SHE: variants seen among roughly 807,000 people sequenced by gnomAD.
SHE encodes the protein SH2 domain-containing adapter protein E.
SHE carries 11 observed loss-of-function variants against 49.8 expected under a neutral mutation model. The ratio of observed to expected loss-of-function variants is 0.22; its 90% CI spans 0.14 to 0.37. SHE has a LOEUF of 0.37. SHE is among the 10% of genes least tolerant of loss of function. SHE has a pLI of 1.00. For missense variants in SHE, 624 were observed against 655.5 expected (o/e 0.95, Z 0.52); for synonymous variants, 310 against 278.1 (o/e 1.11, Z -1.14).
Position 154,483,129 on chromosome 1 carries a change from T to C in SHE, c.*1020A>G, listed in dbSNP as rs144964831. 665 of 984,794 alleles carry C rather than the reference T, an allele frequency of 6.8e-4. 3 individuals are homozygous for C. In the African/African-American group the frequency reaches 0.011, roughly 16 times the overall value. 61.0% of individuals were successfully genotyped at this position (984,794 alleles called of 1,614,324 possible). ...ATTCTATAATTCAGAATTCTAATAATGATGCCAATGCCTAATGATATTGGT... is the reference window on the plus strand; with the variant it reads ...ATTCTATAATTCAGAATTCTAATAACGATGCCAATGCCTAATGATATTGGT... On this transcript the variant is annotated 3_prime_UTR_variant, in exon 6 of 6. Coordinates refer to ENST00000304760, the MANE Select transcript of SHE (RefSeq NM_001010846.3).
chr1:154,477,902 A>AG (rs1292483300), downstream of SHE, among the ~76,000 whole-genome samples: 4 of 151,410 alleles, frequency 2.6e-5, no homozygotes, highest in Non-Finnish European at 4.4e-5. Flanking sequence ...AAAAAAAAAA[A>AG]AAAAAAAGAA....
intron 2 of SHE, among the ~76,000 whole-genome samples, chr1:154,493,959 G>A (rs969479355): frequency 6.6e-6 from 1 of 152,192 alleles, no homozygotes; most frequent in African/African-American, 2.4e-5. Context: ...GTTATGGTGA[G>A]GCCAATTATT....
rs769627373 is a variant in SHE, at chr1:154,489,249, T to G, written c.826A>C (p.Arg276=). The G allele has an allele frequency of 1.2e-6, 2 of 1,614,236 alleles. No homozygotes were observed. The highest frequency in any genetic ancestry group is 1.7e-6 in the Non-Finnish European group (2 of 1,180,036). ...CCCAGGAGGTCCTTGGAACTCCGTC[T>G]TTTGGCCAAGGTCTCTGATTTCAGG... is the stretch of plus-strand genomic sequence containing the variant. The part of the protein sequence containing the change: ...GGLKSETLAK[R]RSSKDLLGKP... The change falls in exon 3 of 6, where the codon AGA becomes CGA. Residue 276 remains arginine, a synonymous_variant. Transcript: ENST00000304760.
chr1:154,476,143 C>T (rs981045124), downstream of SHE, among the ~76,000 whole-genome samples: 4 of 152,078 alleles, frequency 2.6e-5, no homozygotes, highest in South Asian at 2.1e-4. Context: ...CCCAGGAGTT[C>T]GAGATCAGCC....
chr1:154,486,806 CTATAA>C, intron 3 of SHE, 123 bp from the exon 4 acceptor site: 1 of 1,044,102 alleles, frequency 9.6e-7, no homozygotes, highest in Non-Finnish European at 1.4e-6. Flanking sequence ...TTAACATTAA[CTATAA>C]TATACTGCAA....
At position 154,486,603 on chromosome 1, in the gene SHE, T is replaced by C; in HGVS notation, c.1105A>G (p.Lys369Glu). 1.2e-6 allele frequency: 2 copies of C among 1,614,164 alleles called. No individual in the cohort carries two copies. Among genetic ancestry groups the C allele is most frequent in the Non-Finnish European group, 1.7e-6 (2 of 1,180,024 alleles). ...QHHRQKSWTQ[K>E]ILKPALSDHS... ...TCCGAGAGGGCTGGCTTCAGGATCT[T>C]CTGGGTCCAGCTCTTCTGCCGGTGG... Residue 369 changes from lysine (K) to glutamate (E), a missense_variant, in exon 4 of 6, where the codon AAG becomes GAG. Coordinates refer to ENST00000304760, the MANE Select transcript of SHE (RefSeq NM_001010846.3).
At chr1:154,486,243 A>C (rs1356583798) in intron 4 of SHE, among the ~76,000 whole-genome samples, 181 bp from the exon 5 acceptor site, 1 of 152,224 alleles carries the variant, frequency 6.6e-6, no homozygotes, top group Non-Finnish European at 1.5e-5. Context: ...CCCAGATCAC[A>C]AAGCCTATCA....
chr1:154,482,120 T>C lies in SHE; in HGVS notation c.*2029A>G, dbSNP rs1246614646. 5.9e-6 allele frequency: 1 copy of C among 168,364 alleles called. No homozygotes were observed. The highest frequency in any genetic ancestry group is 1.2e-5 in the Non-Finnish European group (1 of 83,444). The allele number at this position is 168,364 out of a possible 1,614,324, so 10.4% of individuals were successfully genotyped here. On this transcript the variant is annotated 3_prime_UTR_variant, in exon 6 of 6. Coordinates refer to ENST00000304760, the MANE Select transcript of SHE (RefSeq NM_001010846.3). ...CCTCCACCTCCTGGGCTCAAGTGAT[T>C]CTCGTGCCTCAGCCTCCCAAGCAGC...
At chr1:154,493,891 G>C (rs1692446135) in intron 2 of SHE, among the ~76,000 whole-genome samples, 1 of 152,168 alleles carries the variant, frequency 6.6e-6, no homozygotes, top group Non-Finnish European at 1.5e-5. Flanking sequence ...CTAAGGCAGT[G>C]ACAGATGTGT....
intron 2 of SHE, among the ~76,000 whole-genome samples, chr1:154,489,928 T>G (rs1692312253): frequency 6.6e-6 from 1 of 152,228 alleles, no homozygotes. Context: ...GTTTTGAACA[T>G]CTCATGTGAT....
intron 1 of SHE, among the ~76,000 whole-genome samples, chr1:154,499,471 C>CTCTTTA (rs1162595294): frequency 3.3e-5 from 5 of 152,146 alleles, no homozygotes; most frequent in Non-Finnish European, 4.4e-5. Flanking sequence ...ATCCCCAAGG[C>CTCTTTA]TCTTTATACC....
chr1:154,488,946 G>T (rs1389256179), intron 3 of SHE, 105 bp downstream of exon 3: 4 of 1,381,564 alleles, frequency 2.9e-6, no homozygotes, highest in Non-Finnish European at 3.9e-6. Context: ...ATTGAGAAGA[G>T]AAAGGAATAT....
Position 154,480,502 on chromosome 1 carries a change from G to A in SHE, c.*3647C>T, listed in dbSNP as rs951606851. 3 of 985,352 alleles carry A rather than the reference G, an allele frequency of 3.0e-6. No homozygotes were observed. The highest frequency in any genetic ancestry group is 3.6e-6 in the Non-Finnish European group (3 of 829,900). The allele number at this position is 985,352 out of a possible 1,614,324, so 61.0% of individuals were successfully genotyped here. On this transcript the variant is annotated 3_prime_UTR_variant, in exon 6 of 6. Transcript: ENST00000304760. ...TTACATAATCCAATTAACAAATTAG[G>A]ACAATTTCCCACCACCTGCCTCAAA...
chr1:154,494,040 T>C (rs552580568), intron 2 of SHE, among the ~76,000 whole-genome samples: 42 of 152,358 alleles, frequency 2.8e-4, no homozygotes, highest in African/African-American at 9.6e-4. Flanking sequence ...TTCCAAATAA[T>C]GTGCCTTTTC....
chr1:154,502,090 G>T lies in SHE; in HGVS notation c.-64C>A. On this transcript the variant is annotated 5_prime_UTR_variant, in exon 1 of 6. Coordinates refer to ENST00000304760, the MANE Select transcript of SHE (RefSeq NM_001010846.3). ...CGCGACGGCTGCTCCGTGCGCCCCC[G>T]GCCGGCCGTCGCCCACGCCCGGCAG... is the stretch of plus-strand genomic sequence containing the variant. 1 of 1,197,466 alleles carries T rather than the reference G, an allele frequency of 8.4e-7. No homozygotes were observed. The highest frequency in any genetic ancestry group is 3.3e-4 in the Middle Eastern group (1 of 3,070). 74.2% of individuals were successfully genotyped at this position (1,197,466 alleles called of 1,614,324 possible). A position where few individuals can be genotyped will look rare whatever the true frequency, so the allele number is the denominator to read the frequency against.
At chr1:154,477,985 C>T (rs935173094), downstream of SHE, among the ~76,000 whole-genome samples, 1 of 151,976 alleles carries the variant, frequency 6.6e-6, no homozygotes, top group African/African-American at 2.4e-5. Context: ...TGGCAACTAC[C>T]ATTCTACTTT....
At position 154,501,334 on chromosome 1, in the gene SHE, C is replaced by G. The variant is rs920274054; in HGVS notation, c.591+102G>C. The G allele has an allele frequency of 6.4e-6, 7 of 1,089,240 alleles. No homozygotes were observed. In the African/African-American group the frequency reaches 1.1e-4, roughly 17 times the overall value. The allele number at this position is 1,089,240 out of a possible 1,614,324, so 67.5% of individuals were successfully genotyped here. A position where few individuals can be genotyped will look rare whatever the true frequency, so the allele number is the denominator to read the frequency against. On this transcript the variant is annotated intron_variant, in intron 1 of 5. Transcript: ENST00000304760. Reference sequence around the variant, plus strand: ...TGGAGGGAGAAAGGACCTTAGGAAACCTATCCTCACTGCCTCTTAGGTCTA... The same window carrying G: ...TGGAGGGAGAAAGGACCTTAGGAAAGCTATCCTCACTGCCTCTTAGGTCTA...
At chr1:154,490,476 T>C (rs1692328101) in intron 2 of SHE, among the ~76,000 whole-genome samples, 2 of 152,206 alleles carry the variant, frequency 1.3e-5, no homozygotes, top group African/African-American at 4.8e-5. Context: ...CTCTAGAAGC[T>C]ATACTCTTAG....
intron 2 of SHE, among the ~76,000 whole-genome samples, chr1:154,498,639 C>A (rs542884334): frequency 1.4e-4 from 21 of 150,750 alleles, no homozygotes; most frequent in Non-Finnish European, 2.5e-4. Context: ...CTCATATGAT[C>A]TGCCCGCCTC....
Sources: allele counts gnomAD v4.1 joint callset (sites outside exome capture counted in the v4.1 genomes callset), GRCh38; gene constraint gnomAD v4.1.1; transcripts MANE v1.5; gene names NCBI Gene and HGNC (gene_info 2026-07-23, HGNC 2026-07-21).